JPH3: variants seen among roughly 807,000 people sequenced by gnomAD.
JPH3 encodes the protein junctophilin 3, also known as junctophilin-3.
JPH3 carries 11 observed loss-of-function variants against 59.6 expected under a neutral mutation model. The observed-to-expected ratio is 0.18, with a 90% CI of 0.12 to 0.31. JPH3 has a LOEUF of 0.31. JPH3 is among the 10% of genes least tolerant of loss of function. The pLI, the probability that JPH3 is intolerant of heterozygous loss-of-function variation, is 1.00. For missense variants in JPH3, 1,202 were observed against 1,105.7 expected (o/e 1.09, Z -1.24); for synonymous variants, 673 against 483.6 (o/e 1.39, Z -5.14).
intron 1 of JPH3, among the ~76,000 whole-genome samples, chr16:87,639,155 C>T (rs1246009551): frequency 6.6e-6 from 1 of 152,220 alleles, no homozygotes; most frequent in East Asian, 1.9e-4. Context: ...ATCAATCGAG[C>T]ATTAGCGACT....
At chr16:87,663,324 T>C (rs1474533412) in intron 2 of JPH3, among the ~76,000 whole-genome samples, 2 of 152,188 alleles carry the variant, frequency 1.3e-5, no homozygotes, top group Non-Finnish European at 2.9e-5. Flanking sequence ...GTCAGGCTGG[T>C]CTCAAACTCC....
At chr16:87,650,259 T>G (rs2032288139) in intron 2 of JPH3, among the ~76,000 whole-genome samples, 3 of 152,198 alleles carry the variant, frequency 2.0e-5, no homozygotes. Context: ...TGATCAGTGG[T>G]CTTTGAGGTT....
At position 87,603,074 on chromosome 16, in the gene JPH3, G is replaced by A; in HGVS notation, c.-73G>A. On this transcript the variant is annotated 5_prime_UTR_variant, in exon 1 of 5. Coordinates refer to ENST00000284262, the MANE Select transcript of JPH3 (RefSeq NM_020655.4). Reference sequence around the variant, plus strand: ...ACGCTCGCGACCCAGGGCCGCCGGCGGCCGCGACTCTGCTGTGTCGATCGC... The same window carrying A: ...ACGCTCGCGACCCAGGGCCGCCGGCAGCCGCGACTCTGCTGTGTCGATCGC... 6.3e-7 allele frequency: 1 copy of A among 1,586,074 alleles called. No individual in the cohort carries two copies. Among genetic ancestry groups the A allele is most frequent in the Non-Finnish European group, 8.6e-7 (1 of 1,161,654 alleles).
chr16:87,623,390 C>T (rs963738052), intron 1 of JPH3, among the ~76,000 whole-genome samples: 7 of 152,184 alleles, frequency 4.6e-5, no homozygotes, highest in African/African-American at 1.7e-4. Flanking sequence ...GCTCCCCAGC[C>T]AGGGCAGGAC....
In JPH3 at chr16:87,656,252, C is replaced by T. The variant is rs1459439228; in HGVS notation, c.1160+11217C>T. On this transcript the variant is annotated intron_variant, in intron 2 of 4. Coordinates refer to ENST00000284262, the MANE Select transcript of JPH3 (RefSeq NM_020655.4). ...AGTCTTTCATGCTGTTCCTTCCAGC[C>T]GAACCCTCAGCTGGAGTCACTCCAG... Among the ~76,000 whole-genome samples the T allele has an allele frequency of 5.9e-5, 9 of 152,318 alleles. No homozygotes were observed. In the East Asian group the frequency reaches 7.7e-4, roughly 13 times the overall value.
At chr16:87,692,447 C>G (rs1017609429) in intron 4 of JPH3, among the ~76,000 whole-genome samples, 20 of 152,230 alleles carry the variant, frequency 1.3e-4, no homozygotes, top group African/African-American at 4.8e-4. Context: ...CAGCTCTCTG[C>G]AGTGTCTCCC....
intron 2 of JPH3, among the ~76,000 whole-genome samples, chr16:87,665,365 C>A (rs2032828681): frequency 6.9e-6 from 1 of 144,372 alleles, no homozygotes; most frequent in African/African-American, 2.9e-5. Context: ...GCCAGGTCAC[C>A]CTGGAGAACC....
In JPH3 at chr16:87,649,581, A is replaced by G. The variant is rs533452745; in HGVS notation, c.1160+4546A>G. On this transcript the variant is annotated intron_variant, in intron 2 of 4. Transcript: ENST00000284262. The stretch of plus-strand genomic sequence containing the variant: ...AGAGAAGAAAGTCCTGCAGTGTGAC[A>G]TGGCTTCATTTTCAACAGCTGAGAC... Among the ~76,000 whole-genome samples, 4 of 152,324 alleles carry G rather than the reference A, an allele frequency of 2.6e-5. No individual in the cohort carries two copies. The South Asian group carries it at 8.3e-4, about 32-fold the overall frequency.
In JPH3 at chr16:87,696,972, G is replaced by T; in HGVS notation, c.*312G>T. 2.6e-6 allele frequency: 1 copy of T among 380,412 alleles called. No individual in the cohort carries two copies. Among genetic ancestry groups the T allele is most frequent in the Non-Finnish European group, 5.0e-6 (1 of 200,550 alleles). The allele number at this position is 380,412 out of a possible 1,614,324, so 23.6% of individuals were successfully genotyped here. On this transcript the variant is annotated 3_prime_UTR_variant, in exon 5 of 5. Coordinates refer to ENST00000284262, the MANE Select transcript of JPH3 (RefSeq NM_020655.4). ...ATCCCGGCACATCAGTGGTAACAGC[G>T]GACGTTGTCCTCGTGGTCACACGTC...
chr16:87,604,957 C>G, intron 1 of JPH3: 2 of 454,042 alleles, frequency 4.4e-6, no homozygotes, highest in South Asian at 3.1e-5. Flanking sequence ...AGACGGTGCT[C>G]CCTTGGTTCC....
chr16:87,677,218 ACAC>A (rs1567610766), intron 2 of JPH3, among the ~76,000 whole-genome samples: 6 of 116,874 alleles, frequency 5.1e-5, no homozygotes, highest in East Asian at 5.7e-4. Flanking sequence ...ACACACACAC[ACAC>A]ACACAAAAAA....
At chr16:87,685,858 T>C (rs917559732) in intron 3 of JPH3, among the ~76,000 whole-genome samples, 1 of 152,018 alleles carries the variant, frequency 6.6e-6, no homozygotes, top group African/African-American at 2.4e-5. Flanking sequence ...CTGTGCCAAA[T>C]CCCCCAAGAG....
chr16:87,663,195 G>A (rs573581793), intron 2 of JPH3, among the ~76,000 whole-genome samples: 9 of 149,718 alleles, frequency 6.0e-5, no homozygotes, highest in African/African-American at 2.2e-4. Flanking sequence ...TGCAACTTCC[G>A]CCTCCCAGGT....
At chr16:87,605,836 G>C (rs1008772964) in intron 1 of JPH3, among the ~76,000 whole-genome samples, 3 of 152,216 alleles carry the variant, frequency 2.0e-5, no homozygotes, top group African/African-American at 7.2e-5. Context: ...AAGAAGCCCA[G>C]ATTGTCAACA....
intron 2 of JPH3, among the ~76,000 whole-genome samples, chr16:87,680,542 C>T (rs544893935): frequency 6.6e-6 from 1 of 152,332 alleles, no homozygotes; most frequent in Admixed American, 6.5e-5. Flanking sequence ...GGGAAGGTTG[C>T]AAGAAAGGCG....
intron 1 of JPH3, among the ~76,000 whole-genome samples, chr16:87,635,611 C>T (rs149917133): frequency 1.3e-5 from 2 of 152,206 alleles, no homozygotes; most frequent in African/African-American, 2.4e-5. Context: ...GCCATGCCAG[C>T]CTGGCAGAAC....
At chr16:87,630,732 C>T (rs930474311) in intron 1 of JPH3, among the ~76,000 whole-genome samples, 1 of 152,066 alleles carries the variant, frequency 6.6e-6, no homozygotes, top group Non-Finnish European at 1.5e-5. Flanking sequence ...AGAGACTGAC[C>T]ACCATGTTTT....
intron 2 of JPH3, among the ~76,000 whole-genome samples, chr16:87,659,981 C>G (rs910166842): frequency 3.3e-5 from 5 of 152,128 alleles, no homozygotes; most frequent in African/African-American, 7.2e-5. Flanking sequence ...CCGTTGAGCT[C>G]TGCTGTGAAG....
At chr16:87,616,190 T>TTGTGTG (rs56053716) in intron 1 of JPH3, among the ~76,000 whole-genome samples, 7,651 of 115,910 alleles carry the variant, frequency 0.066, 340 homozygotes, top group East Asian at 0.14. Context: ...CAATCTGGTT[T>TTGTGTG]TGTGTGTGTG....
Sources: gnomAD v4.1 joint callset for allele counts (sites outside exome capture counted in the v4.1 genomes callset) on GRCh38, gnomAD v4.1.1 for gene constraint, MANE v1.5 for transcripts, NCBI Gene and HGNC (gene_info 2026-07-23, HGNC 2026-07-21) for gene names.